Variants in NFATC2 observed in about 807,000 individuals in gnomAD.
NFATC2 encodes nuclear factor of activated T cells 2.
Under a neutral mutation model 87.3 loss-of-function variants are expected in NFATC2, and 22 were observed. The observed-to-expected ratio is 0.25, with a 90% confidence interval of 0.18 to 0.36. NFATC2 has a LOEUF of 0.36. Ranked by LOEUF, NFATC2 falls within the 10% of genes least tolerant of loss-of-function variation. The pLI is 1.00. For missense variants in NFATC2, 1,149 were observed against 1,259.1 expected (o/e 0.91, Z 1.32); for synonymous variants, 565 against 542.2 (o/e 1.04, Z -0.58).
At chr20:51,417,033 T>C (rs1980136777) in intron 9 of NFATC2, among the ~76,000 whole-genome samples, 1 of 152,150 alleles carries the variant, frequency 6.6e-6, no homozygotes, top group African/African-American at 2.4e-5. Flanking sequence ...CAGCCCAGGA[T>C]AAATGCCCTA....
intron 1 of NFATC2, among the ~76,000 whole-genome samples, chr20:51,551,792 C>T (rs556403237): frequency 4.6e-5 from 7 of 152,136 alleles, no homozygotes; most frequent in Admixed American, 3.9e-4. Flanking sequence ...CATTGGGAGG[C>T]CAAGGTGGGC....
intron 4 of NFATC2, among the ~76,000 whole-genome samples, chr20:51,475,101 T>C (rs1161827516): frequency 6.6e-6 from 1 of 151,766 alleles, no homozygotes; most frequent in African/African-American, 2.4e-5. Flanking sequence ...CCAGAGTATC[T>C]GGGATTACAG....
At chr20:51,554,116 A>G (rs2146837586) in intron 1 of NFATC2, among the ~76,000 whole-genome samples, 1 of 152,210 alleles carries the variant, frequency 6.6e-6, no homozygotes, top group Non-Finnish European at 1.5e-5. Flanking sequence ...CCGCACAACT[A>G]AACCCTGGAG....
chr20:51,435,351 C>T, intron 7 of NFATC2, 37 bp from the exon 8 acceptor site: 2 of 1,613,408 alleles, frequency 1.2e-6, no homozygotes, highest in Non-Finnish European at 1.7e-6. Flanking sequence ...TAACTGCAAT[C>T]ATGTCTCAGT....
upstream of NFATC2, among the ~76,000 whole-genome samples, chr20:51,545,570 A>G (rs962038361): frequency 2.0e-5 from 3 of 152,316 alleles, no homozygotes; most frequent in East Asian, 5.8e-4. Flanking sequence ...GGGTGAATGG[A>G]AGATGGATGC....
In NFATC2 at chr20:51,523,953, C is replaced by T. The variant is rs748927051; in HGVS notation, c.288G>A (p.Lys96=). Residue 96 remains lysine, a synonymous_variant, in exon 2 of 11, where the codon AAG becomes AAA. Transcript: ENST00000371564. The surrounding 1 kb of genome is among the most constrained non-coding windows in gnomAD (Gnocchi z 6.9). The part of the protein sequence containing the change: ...FGEPDRVGPQ[K]FLSAAKPAGA... ...CTGCTGGCTTGGCCGCGCTCAGAAA[C>T]TTCTGCGGCCCTACCCTATCCGGCT... The T allele has an allele frequency of 1.0e-5, 16 of 1,594,232 alleles. No individual in the cohort carries two copies. The South Asian group carries it at 1.6e-4, about 16-fold the overall frequency.
chr20:51,549,382 C>T (rs2076914739), intron 1 of NFATC2, among the ~76,000 whole-genome samples: 1 of 152,234 alleles, frequency 6.6e-6, no homozygotes, highest in African/African-American at 2.4e-5. Flanking sequence ...AAGCGATTCT[C>T]CTGCCTCAGC....
rs896578909 is a variant in NFATC2 at position 51,413,064 on chromosome 20, C to T, written c.2723-14334G>A. ...TCCTGCTCTCCAGGCAGCCAGCTCC[C>T]GGGTTTCACAATCCTTTCCATGGCA... On this transcript the variant is annotated intron_variant, in intron 9 of 10. Transcript: ENST00000371564. Among the ~76,000 whole-genome samples the T allele has an allele frequency of 2.7e-5, 4 of 149,908 alleles. No individual in the cohort carries two copies. In the East Asian group the frequency reaches 6.0e-4, roughly 22 times the overall value.
intron 1 of NFATC2, among the ~76,000 whole-genome samples, chr20:51,527,824 G>C (rs1362762183): frequency 2.0e-5 from 3 of 152,128 alleles, no homozygotes; most frequent in Non-Finnish European, 1.5e-5. Context: ...TCCTGGGCCA[G>C]TCATGGTGGC....
intron 3 of NFATC2, among the ~76,000 whole-genome samples, chr20:51,508,767 G>A (rs1189595240): frequency 6.6e-6 from 1 of 152,012 alleles, no homozygotes; most frequent in Admixed American, 6.5e-5. Context: ...CCCTCTTGCA[G>A]CCAGTCTCAA....
intron 8 of NFATC2, among the ~76,000 whole-genome samples, 159 bp downstream of exon 8, chr20:51,435,029 T>A (rs1323522195): frequency 6.6e-6 from 1 of 152,152 alleles, no homozygotes; most frequent in Non-Finnish European, 1.5e-5. Flanking sequence ...TCCGGAACCC[T>A]TATAAGGAAG....
chr20:51,554,426 G>A (rs1306763566), intron 1 of NFATC2, among the ~76,000 whole-genome samples: 1 of 152,150 alleles, frequency 6.6e-6, no homozygotes. Context: ...GGGTCATCAG[G>A]ACCCTACAGA....
chr20:51,553,655 G>A (rs534247033), intron 1 of NFATC2, among the ~76,000 whole-genome samples: 10 of 127,698 alleles, frequency 7.8e-5, no homozygotes, highest in Non-Finnish European at 9.6e-5. Flanking sequence ...CAGCCTGGGC[G>A]ACAGAGCAAG....
rs146686717 is a variant in NFATC2, at chr20:51,521,140, A to G, written c.1160+1941T>C. Among the ~76,000 whole-genome samples, 854 of 152,320 alleles carry G rather than the reference A, an allele frequency of 5.6e-3. 5 individuals are homozygous for G. The highest frequency in any genetic ancestry group is 8.0e-3 in the Non-Finnish European group (546 of 68,034). ...TTTTTTTAAAGATACAACAACTGACATACTGTAGCCCTGGTGTTCTCAGAA... is the reference window on the plus strand; with the variant it reads ...TTTTTTTAAAGATACAACAACTGACGTACTGTAGCCCTGGTGTTCTCAGAA... On this transcript the variant is annotated intron_variant, in intron 2 of 10. Coordinates refer to ENST00000371564, the MANE Select transcript of NFATC2 (RefSeq NM_012340.5).
At position 51,435,203 on chromosome 20, in the gene NFATC2, A is replaced by C; in HGVS notation, c.2017T>G (p.Phe673Val). Residue 673 changes from phenylalanine (F) to valine (V), a missense_variant, in exon 8 of 11, where the codon TTT becomes GTT. Coordinates refer to ENST00000371564, the MANE Select transcript of NFATC2 (RefSeq NM_012340.5). ...GKRKRSQPQH[F>V]TYHPVPAIKT... The stretch of plus-strand genomic sequence containing the variant: ...CACTCCTTACCTGGGTGGTAGGTAA[A>C]GTGCTGAGGCTGACTTCGTTTTCTC... The C allele has an allele frequency of 6.2e-7, 1 of 1,614,206 alleles. No individual in the cohort carries two copies. The highest frequency in any genetic ancestry group is 8.5e-7 in the Non-Finnish European group (1 of 1,180,024).
chr20:51,530,302 G>A (rs926260448), intron 1 of NFATC2, among the ~76,000 whole-genome samples: 1 of 152,106 alleles, frequency 6.6e-6, no homozygotes, highest in South Asian at 2.1e-4. Flanking sequence ...GAGTAGCTGG[G>A]ATTACAGGTG....
At chr20:51,402,000 G>C (rs1002108314) in intron 9 of NFATC2, among the ~76,000 whole-genome samples, 1 of 152,216 alleles carries the variant, frequency 6.6e-6, no homozygotes, top group Non-Finnish European at 1.5e-5. Flanking sequence ...GTGCATCTCC[G>C]TGGTGGAACC....
rs542686600 is a variant in NFATC2, at chr20:51,464,995, C to CCCTGT, written c.1708+8980_1708+8984dup. On this transcript the variant is annotated intron_variant, in intron 5 of 10. Transcript: ENST00000371564. ...ATAACTTCATTTCTCTACACCTCTT[C>CCCTGT]CCTGTCCTGTCCCTCTCATCTTCTT... 2.0e-3 allele frequency among the ~76,000 whole-genome samples: 310 copies of CCCTGT among 152,354 alleles called. 1 individual carries two copies. The highest frequency in any genetic ancestry group is 3.2e-3 in the Non-Finnish European group (221 of 68,036).
chr20:51,412,986 CG>C (rs1979484191), intron 9 of NFATC2, among the ~76,000 whole-genome samples: 2 of 34,048 alleles, frequency 5.9e-5, no homozygotes, highest in African/African-American at 1.5e-4. Flanking sequence ...CCCCATCCCC[CG>C]CTCCCGCCGC....
Sources: gnomAD v4.1 joint callset for allele counts (sites outside exome capture counted in the v4.1 genomes callset) on GRCh38, gnomAD v4.1.1 for gene constraint, Gnocchi (gnomAD v3.1) non-coding constraint, MANE v1.5 for transcripts, NCBI Gene and HGNC (gene_info 2026-07-23, HGNC 2026-07-21) for gene names.